HID1: variants seen among roughly 807,000 people sequenced by gnomAD.
The protein encoded by HID1 is HID1 domain containing, also known as protein HID1.
Under a neutral mutation model 89.7 loss-of-function variants are expected in HID1, and 42 were observed. The observed-to-expected ratio is 0.47, with a 90% CI of 0.37 to 0.61. HID1 has a LOEUF of 0.61. Ranked by LOEUF, HID1 falls within the 20% of genes least tolerant of loss-of-function variation. The pLI is 0.00. For synonymous variants in HID1, 442 were observed against 433.8 expected (o/e 1.02, Z -0.24); for missense variants, 854 against 1,039.3 (o/e 0.82, Z 2.45).
chr17:74,958,242 A>C lies in HID1; in HGVS notation c.1393-23T>G, dbSNP rs1598622096. On this transcript the variant is annotated intron_variant, in intron 11 of 18. Coordinates refer to ENST00000425042, the MANE Select transcript of HID1 (RefSeq NM_030630.3). The surrounding 1 kb of genome is among the most constrained non-coding windows in gnomAD (Gnocchi z 5.2). ...CACCTGTGCCAGGAGGGACAGAGGC[A>C]CCGTGGGGTCCCCGCTGCCTCCAGA... 6.2e-7 allele frequency: 1 copy of C among 1,608,806 alleles called. No individual in the cohort carries two copies. The highest frequency in any genetic ancestry group is 8.5e-7 in the Non-Finnish European group (1 of 1,177,780).
At position 74,962,986 on chromosome 17, in the gene HID1, C is replaced by G. The variant is rs1258269146; in HGVS notation, c.483G>C (p.Gln161His). Residue 161 changes from glutamine (Q) to histidine (H), a missense_variant, in exon 4 of 19, where the codon CAG becomes CAC. Transcript: ENST00000425042. This position sits in a 1 kb window ranked among gnomAD's most constrained non-coding sequence, Gnocchi z 4.3. ...TCACCACAGTGCTCCTCCGGTGGCT[C>G]TGAACCGTGAAGTCCGGGCAGAAGA... Reference protein sequence around the residue: ...DLLFCPDFTVQSHRRSTVDSA... With the variant: ...DLLFCPDFTVHSHRRSTVDSA... The G allele has an allele frequency of 3.1e-6, 5 of 1,613,254 alleles. No individual in the cohort carries two copies. Among genetic ancestry groups the G allele is most frequent in the East Asian group, 2.2e-5 (1 of 44,856 alleles).
Position 74,972,075 on chromosome 17 carries a change from G to T in HID1, c.66+516C>A, listed in dbSNP as rs546636317. The stretch of plus-strand genomic sequence containing the variant: ...AAGACCTGGGCCTTCCCTGCCCACG[G>T]GCATCGACCAGGGCCCAGCGAGGCC... On this transcript the variant is annotated intron_variant, in intron 1 of 18. Transcript: ENST00000425042. This position sits in a 1 kb window ranked among gnomAD's most constrained non-coding sequence, Gnocchi z 6.4. Among the ~76,000 whole-genome samples, 41 of 152,332 alleles carry T rather than the reference G, an allele frequency of 2.7e-4. No homozygotes were observed. Among genetic ancestry groups the T allele is most frequent in the African/African-American group, 9.9e-4 (41 of 41,572 alleles).
At position 74,951,227 on chromosome 17, in the gene HID1, G is replaced by A. The variant is rs1369307170; in HGVS notation, c.*343C>T. On this transcript the variant is annotated 3_prime_UTR_variant, in exon 19 of 19. Transcript: ENST00000425042. ...CCCCTTAGGGCACAGTGACCCATTG[G>A]CTTCTGCCTCTGGGGCTGGGTAGCA... 2 of 346,962 alleles carry A rather than the reference G, an allele frequency of 5.8e-6. No individual in the cohort carries two copies. Among genetic ancestry groups the A allele is most frequent in the Admixed American group, 8.8e-5 (2 of 22,706 alleles). The allele number at this position is 346,962 out of a possible 1,614,324, so 21.5% of individuals were successfully genotyped here.
Position 74,970,205 on chromosome 17 carries a change from C to T in HID1, c.66+2386G>A, listed in dbSNP as rs531490247. ...GTGCTGGGATTACAGGCATGAGCCA[C>T]CACACCCGGCCCAAAATCAGATATT... On this transcript the variant is annotated intron_variant, in intron 1 of 18. Coordinates refer to ENST00000425042, the MANE Select transcript of HID1 (RefSeq NM_030630.3). 6.6e-5 allele frequency among the ~76,000 whole-genome samples: 10 copies of T among 152,290 alleles called. No homozygotes were observed. The South Asian group carries it at 2.1e-3, about 32-fold the overall frequency.
chr17:74,958,004 G>A lies in HID1; in HGVS notation c.1471+137C>T, dbSNP rs140846972. Reference sequence around the variant, plus strand: ...GTTGTCACCCTTTTTTTTTAATGTGGCTACTATGAAGGGTACACAAGCTTG... The same window carrying A: ...GTTGTCACCCTTTTTTTTTAATGTGACTACTATGAAGGGTACACAAGCTTG... On this transcript the variant is annotated intron_variant, in intron 12 of 18. Coordinates refer to ENST00000425042, the MANE Select transcript of HID1 (RefSeq NM_030630.3). This position sits in a 1 kb window ranked among gnomAD's most constrained non-coding sequence, Gnocchi z 5.2. 5.8e-4 allele frequency: 375 copies of A among 647,870 alleles called. 3 individuals are homozygous for A. Among genetic ancestry groups the A allele is most frequent in the South Asian group, 4.7e-3 (239 of 51,046 alleles). The allele number at this position is 647,870 out of a possible 1,614,324, so 40.1% of individuals were successfully genotyped here.
intron 3 of HID1, chr17:74,963,330 C>T: frequency 1.9e-6 from 1 of 521,932 alleles, no homozygotes; most frequent in Non-Finnish European, 3.4e-6. Flanking sequence ...GCGGTGACCC[C>T]AACATCAAGA....
At chr17:74,967,468 G>A (rs1239415234) in intron 1 of HID1, among the ~76,000 whole-genome samples, 1 of 151,894 alleles carries the variant, frequency 6.6e-6, no homozygotes, top group African/African-American at 2.4e-5. Context: ...GAACCCAGGA[G>A]GCGGAGGTTG....
At position 74,958,838 on chromosome 17, in the gene HID1, C is replaced by T; in HGVS notation, c.1149+73G>A. 1 of 1,591,220 alleles carries T rather than the reference C, an allele frequency of 6.3e-7. No homozygotes were observed. Among genetic ancestry groups the T allele is most frequent in the South Asian group, 1.1e-5 (1 of 87,994 alleles). ...CTCTGCCCCACCCCCCTCAGTCTGA[C>T]ACTGTCCCTGCCCCCGGGTTATTGG... On this transcript the variant is annotated intron_variant, in intron 9 of 18. Transcript: ENST00000425042. The surrounding 1 kb of genome is among the most constrained non-coding windows in gnomAD (Gnocchi z 5.2).
chr17:74,954,434 CT>C (rs2039357911), intron 13 of HID1, 69 bp from the exon 14 acceptor site: 1 of 1,544,156 alleles, frequency 6.5e-7, no homozygotes, highest in Non-Finnish European at 8.7e-7. Context: ...TCTGGGTGGG[CT>C]TCCTGGAAGG....
At chr17:74,953,512 C>A (rs1256031042) in intron 15 of HID1, 33 bp downstream of exon 15, 4 of 1,578,820 alleles carry the variant, frequency 2.5e-6, no homozygotes, top group Non-Finnish European at 3.5e-6. Flanking sequence ...GAAGGGCCAG[C>A]CACGCCCGGC....
rs767183843 is a variant in HID1 at position 74,962,260 on chromosome 17, C to T, written c.585G>A (p.Gln195=). The change falls in exon 5 of 19, where the codon CAG becomes CAA. Residue 195 remains glutamine (Q), a synonymous_variant. Transcript: ENST00000425042. This position sits in a 1 kb window ranked among gnomAD's most constrained non-coding sequence, Gnocchi z 4.3. Reference sequence around the variant, plus strand: ...GGTTCATATCGTGGATGTAGTTAGGCTGGGGGGAGTGAGCGAAGCCCACAC... The same window carrying T: ...GGTTCATATCGTGGATGTAGTTAGGTTGGGGGGAGTGAGCGAAGCCCACAC... The part of the protein sequence containing the change: ...EAGVGFAHSP[Q]PNYIHDMNRM... 10 of 1,611,412 alleles carry T rather than the reference C, an allele frequency of 6.2e-6. No individual in the cohort carries two copies. The highest frequency in any genetic ancestry group is 8.5e-6 in the Non-Finnish European group (10 of 1,177,998).
intron 6 of HID1, 59 bp downstream of exon 6, chr17:74,961,814 A>G: frequency 1.9e-6 from 2 of 1,068,084 alleles, no homozygotes; most frequent in South Asian, 2.1e-5. Flanking sequence ...GAATGGACTC[A>G]GCTCTGGATT....
In HID1 at chr17:74,962,204, T is replaced by C. The variant is rs201545795; in HGVS notation, c.611+30A>G. ...GGGCCCGGCCCGGGGTCCAGCTGCA[T>C]TGAGGGCTCCGGGCCTGGGCGAAGC... On this transcript the variant is annotated intron_variant, in intron 5 of 18. Coordinates refer to ENST00000425042, the MANE Select transcript of HID1 (RefSeq NM_030630.3). The surrounding 1 kb of genome is among the most constrained non-coding windows in gnomAD (Gnocchi z 4.3). 3.2e-5 allele frequency: 50 copies of C among 1,556,808 alleles called. No homozygotes were observed. Among genetic ancestry groups the C allele is most frequent in the East Asian group, 1.1e-4 (5 of 43,970 alleles).
intron 12 of HID1, among the ~76,000 whole-genome samples, chr17:74,957,782 C>T (rs2039413110): frequency 6.6e-6 from 1 of 152,020 alleles, no homozygotes; most frequent in South Asian, 2.1e-4. Context: ...CGCCTGTAAT[C>T]CCACCTACTC....
At chr17:74,955,321 G>A (rs546108206) in intron 13 of HID1, among the ~76,000 whole-genome samples, 1 of 151,878 alleles carries the variant, frequency 6.6e-6, no homozygotes, top group Non-Finnish European at 1.5e-5. Context: ...GAGGCAGGCA[G>A]ATTGCTTGTC....
Position 74,962,951 on chromosome 17 carries a change from TG to T in HID1, c.504+13del. 6.3e-7 allele frequency: 1 copy of T among 1,582,374 alleles called. No individual in the cohort carries two copies. Among genetic ancestry groups the T allele is most frequent in the Non-Finnish European group, 8.7e-7 (1 of 1,154,088 alleles). On this transcript the variant is annotated intron_variant, in intron 4 of 18. Transcript: ENST00000425042. The surrounding 1 kb of genome is among the most constrained non-coding windows in gnomAD (Gnocchi z 4.3). The stretch of plus-strand genomic sequence containing the variant: ...CCTACTCCGCCTGGGGGTGGGGGGC[TG>T]GGGGACACTCACCACAGTGCTCCTC...
At chr17:74,971,068 T>C (rs971934546) in intron 1 of HID1, among the ~76,000 whole-genome samples, 1 of 152,138 alleles carries the variant, frequency 6.6e-6, no homozygotes, top group African/African-American at 2.4e-5. Flanking sequence ...GACACAGTAT[T>C]TTGGGGAAAA....
rs2039452957 is a variant in HID1 at position 74,959,969 on chromosome 17, C to T, written c.952-32G>A. ...AGAGGAGAAGCCCCTGGTGAGCAGG[C>T]GTCCTCCCCACAACCCGTGGCCCCG... On this transcript the variant is annotated intron_variant, in intron 7 of 18. Coordinates refer to ENST00000425042, the MANE Select transcript of HID1 (RefSeq NM_030630.3). This position sits in a 1 kb window ranked among gnomAD's most constrained non-coding sequence, Gnocchi z 4.6. The T allele has an allele frequency of 6.2e-7, 1 of 1,613,498 alleles. No individual in the cohort carries two copies. Among genetic ancestry groups the T allele is most frequent in the East Asian group, 2.2e-5 (1 of 44,890 alleles).
intron 6 of HID1, 67 bp from the exon 7 acceptor site, chr17:74,960,315 T>C (rs1055375669): frequency 7.3e-6 from 10 of 1,371,768 alleles, no homozygotes; most frequent in Non-Finnish European, 8.9e-6. Flanking sequence ...CACACCTCTC[T>C]GGCCACGTGG....
Sources: gnomAD v4.1 joint callset for allele counts (sites outside exome capture counted in the v4.1 genomes callset) on GRCh38, gnomAD v4.1.1 for gene constraint, Gnocchi (gnomAD v3.1) non-coding constraint, MANE v1.5 for transcripts, NCBI Gene and HGNC (gene_info 2026-07-23, HGNC 2026-07-21) for gene names.